ELMOD1: variants seen among roughly 807,000 people sequenced by gnomAD.
ELMOD1 encodes ELMO domain containing 1.
ELMOD1 carries 21 observed loss-of-function variants against 46.7 expected under a neutral mutation model. The observed-to-expected ratio is 0.45, with a 90% CI of 0.32 to 0.65. ELMOD1 has a LOEUF of 0.65. Among genes scored for constraint, ELMOD1 ranks in the 30% least tolerant of loss-of-function variants. ELMOD1 has a pLI of 0.04. For synonymous variants in ELMOD1, 122 were observed against 138.2 expected (o/e 0.88, Z 0.82); for missense variants, 348 against 407.8 (o/e 0.85, Z 1.26).
rs570892039 is a variant in ELMOD1, at chr11:107,650,476, C to G, written c.623+73C>G. ...AATGAACTTCATCTCCTACATGTAT[C>G]TGTTGATGAGATTCTCAGGAGAGTG... On this transcript the variant is annotated intron_variant, in intron 8 of 11. Coordinates refer to ENST00000265840, the MANE Select transcript of ELMOD1 (RefSeq NM_018712.4). The G allele has an allele frequency of 7.0e-4, 748 of 1,061,098 alleles. 15 individuals are homozygous for G. The South Asian group carries it at 9.9e-3, about 14-fold the overall frequency. The allele number at this position is 1,061,098 out of a possible 1,614,324, so 65.7% of individuals were successfully genotyped here.
At chr11:107,600,047 C>G (rs554319379) in intron 1 of ELMOD1, among the ~76,000 whole-genome samples, 3 of 151,882 alleles carry the variant, frequency 2.0e-5, no homozygotes, top group African/African-American at 7.3e-5. Flanking sequence ...GTGGATGGCA[C>G]CTTTTTTTTT....
chr11:107,665,112 G>T lies in ELMOD1; in HGVS notation c.920G>T (p.Arg307Leu), dbSNP rs200567010. 2.4e-5 allele frequency: 38 copies of T among 1,613,914 alleles called. No homozygotes were observed. The East Asian group carries it at 7.8e-4, about 33-fold the overall frequency. Residue 307 changes from arginine (R) to leucine (L), a missense_variant, in exon 12 of 12, where the codon CGC becomes CTC. Physicochemically the swap from Arg to Leu is moderately radical, Grantham distance 102. Coordinates refer to ENST00000265840, the MANE Select transcript of ELMOD1 (RefSeq NM_018712.4). ...MEFNRVREKF[R>L]KRIIKQLQNP... ...TTTAATCGTGTGAGGGAGAAATTCCGCAAGAGGATCATCAAACAGCTGCAG... is the reference window on the plus strand; with the variant it reads ...TTTAATCGTGTGAGGGAGAAATTCCTCAAGAGGATCATCAAACAGCTGCAG...
At chr11:107,644,831 A>G (rs1318332528) in intron 6 of ELMOD1, among the ~76,000 whole-genome samples, 3 of 152,040 alleles carry the variant, frequency 2.0e-5, no homozygotes, top group South Asian at 2.1e-4. Context: ...TTATTATTCA[A>G]ATGAATGTGA....
chr11:107,623,090 A>G (rs773447996), intron 2 of ELMOD1, among the ~76,000 whole-genome samples: 19 of 152,048 alleles, frequency 1.2e-4, no homozygotes, highest in Non-Finnish European at 2.8e-4. Flanking sequence ...TCATCATTTA[A>G]CATTAGGTAT....
intron 1 of ELMOD1, among the ~76,000 whole-genome samples, chr11:107,597,011 T>C (rs976961113): frequency 2.0e-5 from 3 of 152,198 alleles, no homozygotes; most frequent in Non-Finnish European, 2.9e-5. Flanking sequence ...TGGAATGTAG[T>C]GTCATAGCTG....
chr11:107,607,251 G>T (rs1865700972), intron 1 of ELMOD1, among the ~76,000 whole-genome samples: 2 of 152,192 alleles, frequency 1.3e-5, no homozygotes, highest in African/African-American at 4.8e-5. Flanking sequence ...ATTCAAGAGA[G>T]AAACTAAAAT....
intron 11 of ELMOD1, among the ~76,000 whole-genome samples, chr11:107,656,769 A>G (rs1163578250): frequency 6.6e-6 from 1 of 152,136 alleles, no homozygotes; most frequent in East Asian, 1.9e-4. Context: ...AGCACTTAAG[A>G]GTGCAAGTTC....
intron 6 of ELMOD1, among the ~76,000 whole-genome samples, chr11:107,646,600 T>C (rs1866430009): frequency 6.6e-6 from 1 of 152,052 alleles, no homozygotes; most frequent in African/African-American, 2.4e-5. Flanking sequence ...CCAGGTGTGG[T>C]GGTGCATGCC....
In ELMOD1 at chr11:107,665,472, C is replaced by CT. The variant is rs553132259; in HGVS notation, c.*282dup. On this transcript the variant is annotated 3_prime_UTR_variant, in exon 12 of 12. Transcript: ENST00000265840. ...GGAGAGAGTTTTCTATTTTTTTAGA[C>CT]TTTTTTTCCTCTCCCTCATAATTCA... 9.6e-6 allele frequency: 3 copies of CT among 312,206 alleles called. No homozygotes were observed. The highest frequency in any genetic ancestry group is 1.8e-5 in the Non-Finnish European group (3 of 170,934). The allele number at this position is 312,206 out of a possible 1,614,324, so 19.3% of individuals were successfully genotyped here.
chr11:107,623,034 TTACATATG>T (rs1245569165), intron 2 of ELMOD1, among the ~76,000 whole-genome samples: 2 of 152,212 alleles, frequency 1.3e-5, no homozygotes, highest in Non-Finnish European at 2.9e-5. Flanking sequence ...TGCAGGTTTG[TTACATATG>T]TATACATGTG....
intron 5 of ELMOD1, among the ~76,000 whole-genome samples, chr11:107,633,165 A>G (rs1386103096): frequency 2.6e-5 from 4 of 152,308 alleles, no homozygotes; most frequent in East Asian, 3.9e-4. Context: ...GGTCCCAAGC[A>G]TGTCAGATAA....
rs1220811877 is a variant in ELMOD1, at chr11:107,611,697, T to A, written c.-85-6408T>A. Among the ~76,000 whole-genome samples the A allele has an allele frequency of 3.2e-3, 302 of 92,976 alleles. 1 individual carries two copies. The highest frequency in any genetic ancestry group is 0.013 in the African/African-American group (286 of 21,382). 61.0% of individuals were successfully genotyped at this position (92,976 alleles called of 152,430 possible). A position where few individuals can be genotyped will look rare whatever the true frequency, so the allele number is the denominator to read the frequency against. On this transcript the variant is annotated intron_variant, in intron 1 of 11. Coordinates refer to ENST00000265840, the MANE Select transcript of ELMOD1 (RefSeq NM_018712.4). The stretch of plus-strand genomic sequence containing the variant: ...TCCATCTTGGGCAACAGAGCCAGAC[T>A]CCATCTCAAAAAAAAAAAAAAAAAA...
intron 6 of ELMOD1, among the ~76,000 whole-genome samples, chr11:107,638,740 G>C (rs948873798): frequency 6.6e-6 from 1 of 152,230 alleles, no homozygotes; most frequent in Non-Finnish European, 1.5e-5. Flanking sequence ...ACATGCATTT[G>C]TGTATGGTGT....
Position 107,609,064 on chromosome 11 carries a change from A to G in ELMOD1, c.-85-9041A>G, listed in dbSNP as rs117325594. On this transcript the variant is annotated intron_variant, in intron 1 of 11. Transcript: ENST00000265840. ...GGTTCCTTACCCTCTCTGTGTTTCA[A>G]TTTCCTCAGCTGCAAAATGGAGATA... 6.6e-3 allele frequency among the ~76,000 whole-genome samples: 998 copies of G among 152,240 alleles called. 9 individuals are homozygous for G. The highest frequency in any genetic ancestry group is 0.02 in the Middle Eastern group (6 of 294).
Position 107,658,213 on chromosome 11 carries a change from G to A in ELMOD1, c.832+2147G>A, listed in dbSNP as rs754287135. On this transcript the variant is annotated intron_variant, in intron 11 of 11. Transcript: ENST00000265840. Reference sequence around the variant, plus strand: ...TTGCTTTAGGAAAGCAGGAATTAGGGCAGGAGACTGCTTTTTTTTGTTTTG... The same window carrying A: ...TTGCTTTAGGAAAGCAGGAATTAGGACAGGAGACTGCTTTTTTTTGTTTTG... Among the ~76,000 whole-genome samples the A allele has an allele frequency of 3.1e-4, 47 of 152,136 alleles. 1 individual carries two copies. The highest frequency in any genetic ancestry group is 9.7e-4 in the African/African-American group (40 of 41,430).
At chr11:107,658,551 A>G (rs1866674043) in intron 11 of ELMOD1, among the ~76,000 whole-genome samples, 1 of 152,254 alleles carries the variant, frequency 6.6e-6, no homozygotes, top group South Asian at 2.1e-4. Flanking sequence ...TGGGTCCAGC[A>G]TTATCTTAAG....
Position 107,666,142 on chromosome 11 carries a change from T to C in ELMOD1, c.*945T>C, listed in dbSNP as rs1283216174. 2 of 152,210 alleles carry C rather than the reference T, an allele frequency of 1.3e-5. No homozygotes were observed. Among genetic ancestry groups the C allele is most frequent in the Non-Finnish European group, 2.9e-5 (2 of 68,044 alleles). 9.4% of individuals were successfully genotyped at this position (152,210 alleles called of 1,614,324 possible). On this transcript the variant is annotated 3_prime_UTR_variant, in exon 12 of 12. Coordinates refer to ENST00000265840, the MANE Select transcript of ELMOD1 (RefSeq NM_018712.4). ...TTTGAAGTACTGCAAAATTATATTG[T>C]AACTTCCCCTCACCCCAGTTGCAAT...
chr11:107,643,695 C>T (rs1452437901), intron 6 of ELMOD1: 4 of 513,464 alleles, frequency 7.8e-6, no homozygotes, highest in Non-Finnish European at 1.6e-5. Context: ...CATATACCTG[C>T]ATCTTGGCCT....
At chr11:107,591,998 G>A (rs1432239704) in intron 1 of ELMOD1, 1 of 514,762 alleles carries the variant, frequency 1.9e-6, no homozygotes, top group Non-Finnish European at 4.0e-6. Context: ...TCTTTCCCGG[G>A]CAGGTAGAAT....
Sources: gnomAD v4.1 joint callset for allele counts (sites outside exome capture counted in the v4.1 genomes callset) on GRCh38, gnomAD v4.1.1 for gene constraint, MANE v1.5 for transcripts, NCBI Gene and HGNC (gene_info 2026-07-23, HGNC 2026-07-21) for gene names.